The following PAIP2B variants were observed in gnomAD, a reference collection of about 807,000 sequenced individuals.
PAIP2B encodes the protein poly(A) binding protein interacting protein 2B, also known as polyadenylate-binding protein-interacting protein 2B.
PAIP2B carries 13 observed loss-of-function variants against 17.0 expected under a neutral mutation model. That is an observed-to-expected ratio of 0.76 (90% confidence interval 0.50 to 1.22). The LOEUF is 1.22. Ranked by LOEUF, PAIP2B falls within the 50% of genes most tolerant of loss-of-function variation. The pLI is 0.00. For synonymous variants in PAIP2B, 43 were observed against 48.7 expected (o/e 0.88, Z 0.48); for missense variants, 117 against 144.5 (o/e 0.81, Z 0.98).
chr2:71,196,828 A>G (rs1674834791), intron 2 of PAIP2B, among the ~76,000 whole-genome samples: 1 of 152,010 alleles, frequency 6.6e-6, no homozygotes, highest in Non-Finnish European at 1.5e-5. Flanking sequence ...TGAAATTAGG[A>G]TTGCAACCCC....
In PAIP2B at chr2:71,200,219, T is replaced by C. The variant is rs1674944288; in HGVS notation, c.138+2233A>G. 3.3e-5 allele frequency among the ~76,000 whole-genome samples: 5 copies of C among 152,176 alleles called. No individual in the cohort carries two copies. In the South Asian group the frequency reaches 1.0e-3, roughly 32 times the overall value. On this transcript the variant is annotated intron_variant, in intron 2 of 3. Transcript: ENST00000244221. ...TCCTTAAGATCCAACTCAAGGTACA[T>C]GGTATGCAAAACCACTTCTGAATTA...
Position 71,184,215 on chromosome 2 carries a change from A to G in PAIP2B, c.*4264T>C, listed in dbSNP as rs1674473547. The G allele has an allele frequency of 6.6e-6, 1 of 152,234 alleles. No individual in the cohort carries two copies. The highest frequency in any genetic ancestry group is 2.1e-4 in the South Asian group (1 of 4,828). 9.4% of individuals were successfully genotyped at this position (152,234 alleles called of 1,614,324 possible). ...GGGAGAAAGCTCAGTAAATGTCACA[A>G]AAGAGACTCCTAGTAACACAATCTG... On this transcript the variant is annotated 3_prime_UTR_variant, in exon 4 of 4. Transcript: ENST00000244221.
chr2:71,198,345 G>A (rs1307201476), intron 2 of PAIP2B, among the ~76,000 whole-genome samples: 1 of 145,824 alleles, frequency 6.9e-6, no homozygotes, highest in South Asian at 2.2e-4. Context: ...GAGTGCAGTG[G>A]CGCGATCTCG....
At chr2:71,199,340 T>C (rs896191344) in intron 2 of PAIP2B, among the ~76,000 whole-genome samples, 7 of 151,812 alleles carry the variant, frequency 4.6e-5, no homozygotes, top group African/African-American at 1.7e-4. Context: ...ATTGTTGACA[T>C]TTCAGAATAT....
intron 1 of PAIP2B, among the ~76,000 whole-genome samples, chr2:71,225,108 T>C (rs1216362101): frequency 6.6e-6 from 1 of 152,182 alleles, no homozygotes; most frequent in African/African-American, 2.4e-5. Context: ...CAGGCTTGTC[T>C]TAAACTCCTA....
At chr2:71,211,605 A>G (rs1409249675) in intron 1 of PAIP2B, among the ~76,000 whole-genome samples, 1 of 151,192 alleles carries the variant, frequency 6.6e-6, no homozygotes, top group Admixed American at 6.6e-5. Flanking sequence ...GCTCTTTGAA[A>G]AAAAAAAAAA....
At position 71,205,953 on chromosome 2, in the gene PAIP2B, C is replaced by G. The variant is rs189452796; in HGVS notation, c.-11-3353G>C. Among the ~76,000 whole-genome samples, 43 of 152,260 alleles carry G rather than the reference C, an allele frequency of 2.8e-4. 1 individual carries two copies. Among genetic ancestry groups the G allele is most frequent in the East Asian group, 1.5e-3 (8 of 5,186 alleles). On this transcript the variant is annotated intron_variant, in intron 1 of 3. Transcript: ENST00000244221. ...GAAGTGCATTTTCCTCCCAGTCAAG[C>G]CTTCAGATGAGATAGCAGCCCCAGA...
chr2:71,209,934 C>T (rs1006641644), intron 1 of PAIP2B, among the ~76,000 whole-genome samples: 1 of 152,010 alleles, frequency 6.6e-6, no homozygotes, highest in African/African-American at 2.4e-5. Flanking sequence ...AAGCGATTCT[C>T]CTGCCTCAGC....
intron 1 of PAIP2B, among the ~76,000 whole-genome samples, chr2:71,211,160 G>A (rs151103082): frequency 1.1e-3 from 163 of 152,064 alleles, no homozygotes; most frequent in African/African-American, 3.5e-3. Context: ...GGGGTGAAGC[G>A]AGGCAGGATA....
chr2:71,183,914 T>C lies in PAIP2B; in HGVS notation c.*4565A>G, dbSNP rs1165903384. ...CACTTGAAATGGGTGTTTTATGATATGTAACATATGCCTCATTAAAGTTGT... is the reference window on the plus strand; with the variant it reads ...CACTTGAAATGGGTGTTTTATGATACGTAACATATGCCTCATTAAAGTTGT... On this transcript the variant is annotated 3_prime_UTR_variant, in exon 4 of 4. Transcript: ENST00000244221. 1.3e-5 allele frequency: 2 copies of C among 152,238 alleles called. No individual in the cohort carries two copies. The highest frequency in any genetic ancestry group is 2.9e-5 in the Non-Finnish European group (2 of 68,048). 9.4% of individuals were successfully genotyped at this position (152,238 alleles called of 1,614,324 possible).
intron 2 of PAIP2B, among the ~76,000 whole-genome samples, chr2:71,198,932 A>G (rs377448490): frequency 2.0e-5 from 3 of 152,084 alleles, no homozygotes; most frequent in South Asian, 4.1e-4. Context: ...GGGTTTTGCC[A>G]TCCTCCTGAA....
intron 2 of PAIP2B, among the ~76,000 whole-genome samples, chr2:71,196,342 T>C (rs1194405607): frequency 6.6e-6 from 1 of 152,208 alleles, no homozygotes; most frequent in Non-Finnish European, 1.5e-5. Flanking sequence ...TTGTGTTGAC[T>C]TCTATTTTTA....
intron 1 of PAIP2B, among the ~76,000 whole-genome samples, chr2:71,224,553 A>G (rs772236251): frequency 6.6e-6 from 1 of 152,220 alleles, no homozygotes; most frequent in Non-Finnish European, 1.5e-5. Flanking sequence ...AAGGTGTGGA[A>G]AAGGCTTGCA....
intron 1 of PAIP2B, among the ~76,000 whole-genome samples, chr2:71,214,283 G>A (rs925733690): frequency 3.3e-5 from 5 of 152,308 alleles, no homozygotes; most frequent in African/African-American, 1.2e-4. Flanking sequence ...GGTCCAGAAA[G>A]GCTATAATAG....
Position 71,182,827 on chromosome 2 carries a change from A to G in PAIP2B, c.*5652T>C, listed in dbSNP as rs1674434011. On this transcript the variant is annotated 3_prime_UTR_variant, in exon 4 of 4. Transcript: ENST00000244221. ...AAAGTAACTTTTTTCCATTTTTGAT[A>G]TTTTTATGAAAATTATTTTCTTCAG... 1 of 152,138 alleles carries G rather than the reference A, an allele frequency of 6.6e-6. No homozygotes were observed. The highest frequency in any genetic ancestry group is 1.5e-5 in the Non-Finnish European group (1 of 68,038). 9.4% of individuals were successfully genotyped at this position (152,138 alleles called of 1,614,324 possible).
intron 1 of PAIP2B, among the ~76,000 whole-genome samples, chr2:71,218,380 A>C (rs1675487149): frequency 6.6e-6 from 1 of 152,056 alleles, no homozygotes. Context: ...GAAATAAGGC[A>C]CTTCCCACAA....
chr2:71,183,897 A>G lies in PAIP2B; in HGVS notation c.*4582T>C, dbSNP rs1674464465. On this transcript the variant is annotated 3_prime_UTR_variant, in exon 4 of 4. Transcript: ENST00000244221. ...AAAATCACTGAAATGTACACTTGAA[A>G]TGGGTGTTTTATGATATGTAACATA... 6.6e-6 allele frequency: 1 copy of G among 152,204 alleles called. No individual in the cohort carries two copies. Among genetic ancestry groups the G allele is most frequent in the African/African-American group, 2.4e-5 (1 of 41,446 alleles). 9.4% of individuals were successfully genotyped at this position (152,204 alleles called of 1,614,324 possible).
chr2:71,219,309 T>G (rs1675519108), intron 1 of PAIP2B, among the ~76,000 whole-genome samples: 1 of 152,078 alleles, frequency 6.6e-6, no homozygotes, highest in South Asian at 2.1e-4. Flanking sequence ...AGTGTTATTT[T>G]CATTTATTTT....
chr2:71,204,875 T>A (rs1030774363), intron 1 of PAIP2B, among the ~76,000 whole-genome samples: 1 of 152,150 alleles, frequency 6.6e-6, no homozygotes, highest in Admixed American at 6.5e-5. Flanking sequence ...TACTATTATT[T>A]CCAAAGATTT....
Sources: gnomAD v4.1 joint callset for allele counts (sites outside exome capture counted in the v4.1 genomes callset) on GRCh38, gnomAD v4.1.1 for gene constraint, MANE v1.5 for transcripts, NCBI Gene and HGNC (gene_info 2026-07-23, HGNC 2026-07-21) for gene names.